SLC2A10: variants seen among roughly 807,000 people sequenced by gnomAD.
The protein encoded by SLC2A10 is solute carrier family 2, facilitated glucose transporter member 10.
A neutral mutation model predicts 32.1 loss-of-function variants in SLC2A10; 25 were observed. That is an observed-to-expected ratio of 0.78 (90% CI 0.57 to 1.09). The LOEUF is 1.09. Among genes scored for constraint, SLC2A10 ranks in the 50% least tolerant of loss-of-function variants. SLC2A10 has a pLI of 0.00. For missense variants in SLC2A10, 673 were observed against 686.5 expected, an observed-to-expected ratio of 0.98 and a Z score of 0.22; for synonymous variants, 332 against 309.6, an observed-to-expected ratio of 1.07 and a Z score of -0.76.
At chr20:46,715,913 C>A (rs1205054497) in intron 1 of SLC2A10, among the ~76,000 whole-genome samples, 1 of 152,040 alleles carries the variant, frequency 6.6e-6, no homozygotes, top group Non-Finnish European at 1.5e-5. Flanking sequence ...CTCACTGTAA[C>A]CTCAAACTCC....
chr20:46,724,616 ATGGATGGTGGT>A (rs1979740595), intron 1 of SLC2A10, among the ~76,000 whole-genome samples: 1 of 146,248 alleles, frequency 6.8e-6, no homozygotes, highest in Non-Finnish European at 1.5e-5. Context: ...GATGGTGTAG[ATGGATGGTGGT>A]TGGATGGATG....
chr20:46,730,489 G>A (rs1470222459), intron 4 of SLC2A10, among the ~76,000 whole-genome samples: 2 of 152,142 alleles, frequency 1.3e-5, no homozygotes, highest in African/African-American at 4.8e-5. Flanking sequence ...AGAGGAGGTG[G>A]AATTTAAGTT....
upstream of SLC2A10, chr20:46,709,505 G>A: frequency 4.3e-6 from 2 of 469,972 alleles, no homozygotes; most frequent in South Asian, 3.9e-5. Context: ...TCCTTGCCAG[G>A]CCTGGGGCGG....
intron 1 of SLC2A10, among the ~76,000 whole-genome samples, chr20:46,722,994 T>C (rs1979642734): frequency 6.6e-6 from 1 of 152,228 alleles, no homozygotes; most frequent in African/African-American, 2.4e-5. Flanking sequence ...GCTCTTGCTC[T>C]TTGGTTTCAC....
chr20:46,733,305 G>T (rs1017324178), intron 4 of SLC2A10, among the ~76,000 whole-genome samples: 1 of 152,110 alleles, frequency 6.6e-6, no homozygotes, highest in Non-Finnish European at 1.5e-5. Flanking sequence ...TAAATCACCA[G>T]ATTTCATGAG....
chr20:46,721,120 A>C (rs1381983852), intron 1 of SLC2A10, among the ~76,000 whole-genome samples: 1 of 152,196 alleles, frequency 6.6e-6, no homozygotes, highest in African/African-American at 2.4e-5. Context: ...GAAATTGCTC[A>C]AGGTTTAGAC....
chr20:46,726,153 A>G lies in SLC2A10; in HGVS notation c.1117A>G (p.Lys373Glu). 1 of 1,614,244 alleles carries G rather than the reference A, an allele frequency of 6.2e-7. No homozygotes were observed. Among genetic ancestry groups the G allele is most frequent in the African/African-American group, 1.3e-5 (1 of 75,064 alleles). ...GGAGCCAATCTTGTCCACTGCTAAG[A>G]AAACCAAGCCCCATCCCAGATCTGG... ...QREPILSTAKKTKPHPRSGDP... is the reference protein window; with the variant it reads ...QREPILSTAKETKPHPRSGDP... The change falls in exon 2 of 5, where the codon AAA becomes GAA. Residue 373 changes from lysine to glutamate, a missense_variant. Transcript: ENST00000359271.
At chr20:46,710,062 A>G (rs1978819100) in intron 1 of SLC2A10, 2 of 480,154 alleles carry the variant, frequency 4.2e-6, no homozygotes, top group South Asian at 7.3e-5. Context: ...TGGTCTGCAG[A>G]TGAAGAAATG....
intron 1 of SLC2A10, among the ~76,000 whole-genome samples, chr20:46,722,364 A>C (rs1042106110): frequency 6.6e-6 from 1 of 152,232 alleles, no homozygotes; most frequent in Non-Finnish European, 1.5e-5. Context: ...GCCATATCTC[A>C]GGTAGCCACA....
intron 2 of SLC2A10, 22 bp from the exon 3 acceptor site, chr20:46,726,842 C>G (rs756749407): frequency 6.2e-7 from 1 of 1,613,878 alleles, no homozygotes; most frequent in Non-Finnish European, 8.5e-7. Flanking sequence ...AGCCCAGGAG[C>G]CCTCCTGCTC....
chr20:46,715,493 C>A (rs776036548), intron 1 of SLC2A10, among the ~76,000 whole-genome samples: 1 of 152,090 alleles, frequency 6.6e-6, no homozygotes, highest in African/African-American at 2.4e-5. Context: ...CAAAGGGGGG[C>A]GAAGACAGAG....
chr20:46,729,139 T>C (rs1980136423), intron 3 of SLC2A10, among the ~76,000 whole-genome samples: 1 of 152,190 alleles, frequency 6.6e-6, no homozygotes, highest in Non-Finnish European at 1.5e-5. Flanking sequence ...TGGACTTGCG[T>C]CCTGGCTCAT....
intron 1 of SLC2A10, among the ~76,000 whole-genome samples, chr20:46,716,176 A>G (rs2123011552): frequency 6.7e-6 from 1 of 148,238 alleles, no homozygotes; most frequent in South Asian, 2.1e-4. Flanking sequence ...TTTTTGAGAC[A>G]GGATCTTGCT....
At chr20:46,716,671 C>G (rs1043873517) in intron 1 of SLC2A10, among the ~76,000 whole-genome samples, 2 of 151,960 alleles carry the variant, frequency 1.3e-5, no homozygotes, top group African/African-American at 4.8e-5. Flanking sequence ...GGGTAGCCAG[C>G]ATCCATATGT....
rs886056728 is a variant in SLC2A10, at chr20:46,734,005, C to T, written c.*171C>T. The T allele has an allele frequency of 8.8e-6, 6 of 683,482 alleles. No individual in the cohort carries two copies. The highest frequency in any genetic ancestry group is 2.7e-5 in the East Asian group (1 of 36,782). The allele number at this position is 683,482 out of a possible 1,614,324, so 42.3% of individuals were successfully genotyped here. On this transcript the variant is annotated 3_prime_UTR_variant, in exon 5 of 5. Coordinates refer to ENST00000359271, the MANE Select transcript of SLC2A10 (RefSeq NM_030777.4). ...AAAAGGATGAAAGTCTGAGAATGCC[C>T]AACTCTTCATTTTGAGTCTCAGGCC...
At chr20:46,730,687 C>T (rs1225435771) in intron 4 of SLC2A10, among the ~76,000 whole-genome samples, 1 of 151,814 alleles carries the variant, frequency 6.6e-6, no homozygotes, top group Non-Finnish European at 1.5e-5. Flanking sequence ...TGGGTAGGAT[C>T]ACATCAGGTC....
At position 46,726,976 on chromosome 20, in the gene SLC2A10, C is replaced by G. The variant is rs774586341; in HGVS notation, c.1401C>G (p.Leu467=). The G allele has an allele frequency of 6.2e-7, 1 of 1,614,244 alleles. No homozygotes were observed. Among genetic ancestry groups the G allele is most frequent in the South Asian group, 1.1e-5 (1 of 91,090 alleles). The change falls in exon 3 of 5, where the codon CTC becomes CTG. Residue 467 remains leucine, a synonymous_variant. Transcript: ENST00000359271. ...ACCTCTTCATCAGCCTCTCCTTCCT[C>G]GATCTCATTGGTGAGTCCTTCCCAG... ...AANLFISLSF[L]DLIGTIGLSW... is the part of the protein sequence containing the mutation.
rs111504264 is a variant in SLC2A10 at position 46,724,806 on chromosome 20, AGGATGGATGGAT to A, written c.5-204_5-193del. Among the ~76,000 whole-genome samples, 150 of 125,694 alleles carry A rather than the reference AGGATGGATGGAT, an allele frequency of 1.2e-3. 1 individual carries two copies. The highest frequency in any genetic ancestry group is 3.3e-3 in the African/African-American group (108 of 32,250). 82.5% of individuals were successfully genotyped at this position (125,694 alleles called of 152,430 possible). The stretch of plus-strand genomic sequence containing the variant: ...TGGAGTGGATGGATGGACAGATGGA[AGGATGGATGGAT>A]GGATGGATGGATGGATGGATGGATG... On this transcript the variant is annotated intron_variant, in intron 1 of 4. Coordinates refer to ENST00000359271, the MANE Select transcript of SLC2A10 (RefSeq NM_030777.4).
In SLC2A10 at chr20:46,726,894, C is replaced by G. The variant is rs771851596; in HGVS notation, c.1319C>G (p.Pro440Arg). The change falls in exon 3 of 5, where the codon CCT becomes CGT. Residue 440 changes from proline (P) to arginine (R), a missense_variant. Physicochemically the swap from Pro to Arg is moderately radical, Grantham distance 103 (BLOSUM62 -2). Transcript: ENST00000359271. ...TGGCTTGTCCTCAGCGAGATCTACCCTGTGGAGATACGAGGAAGAGCCTTC... is the reference window on the plus strand; with the variant it reads ...TGGCTTGTCCTCAGCGAGATCTACCGTGTGGAGATACGAGGAAGAGCCTTC... ...VTWLVLSEIYPVEIRGRAFAF... is the reference protein window; with the variant it reads ...VTWLVLSEIYRVEIRGRAFAF... The G allele has an allele frequency of 6.2e-7, 1 of 1,614,176 alleles. No homozygotes were observed. Among genetic ancestry groups the G allele is most frequent in the African/African-American group, 1.3e-5 (1 of 75,044 alleles).
Sources: allele counts gnomAD v4.1 joint callset (sites outside exome capture counted in the v4.1 genomes callset), GRCh38; gene constraint gnomAD v4.1.1; transcripts MANE v1.5; gene names NCBI Gene and HGNC (gene_info 2026-07-23, HGNC 2026-07-21).